CACNB4: variants seen among roughly 807,000 people sequenced by gnomAD.
The protein encoded by CACNB4 is voltage-dependent L-type calcium channel subunit beta-4.
Under a neutral mutation model 71.2 loss-of-function variants are expected in CACNB4, and 32 were observed. The observed-to-expected ratio is 0.45, with a 90% CI of 0.34 to 0.60. The LOEUF (loss-of-function observed/expected upper bound fraction) is 0.60, where lower values mean the gene tolerates loss of function less well. CACNB4 is among the 20% of genes least tolerant of loss of function. The probability of loss-of-function intolerance (pLI) is 0.01; values close to 1 mark genes in which losing one functional copy is unlikely to be tolerated. For synonymous variants in CACNB4, 231 were observed against 236.9 expected (o/e 0.97, Z 0.23); for missense variants, 464 against 647.9 (o/e 0.72, Z 3.08).
At chr2:151,892,941 A>G (rs1414149116) in intron 2 of CACNB4, among the ~76,000 whole-genome samples, 1 of 152,270 alleles carries the variant, frequency 6.6e-6, no homozygotes, top group Non-Finnish European at 1.5e-5. Flanking sequence ...ACTTGACAGA[A>G]TGCTACGCAA....
At chr2:151,972,261 C>T (rs1269307307) in intron 2 of CACNB4, 1 of 152,202 alleles carries the variant, frequency 6.6e-6, no homozygotes, top group Non-Finnish European at 1.5e-5. Context: ...TCACTGCCTG[C>T]CCAAGTTTAA....
chr2:152,081,600 G>A (rs926747780), intron 2 of CACNB4, among the ~76,000 whole-genome samples: 5 of 152,162 alleles, frequency 3.3e-5, no homozygotes, highest in African/African-American at 1.2e-4. Flanking sequence ...TGGAGACAGA[G>A]AGAGCTCTGG....
chr2:151,932,677 C>T (rs1578853905), intron 2 of CACNB4, among the ~76,000 whole-genome samples: 1 of 151,748 alleles, frequency 6.6e-6, no homozygotes, highest in South Asian at 2.1e-4. Flanking sequence ...TCTACTAAAA[C>T]TACAAAAATT....
chr2:151,879,076 C>T (rs979232451), intron 4 of CACNB4, among the ~76,000 whole-genome samples: 2 of 152,016 alleles, frequency 1.3e-5, no homozygotes, highest in African/African-American at 2.4e-5. Flanking sequence ...GCAAAGGGAC[C>T]CTTTTAGAAT....
intron 2 of CACNB4, among the ~76,000 whole-genome samples, chr2:151,999,884 G>A (rs1237214482): frequency 2.0e-5 from 3 of 152,122 alleles, no homozygotes; most frequent in African/African-American, 7.2e-5. Context: ...TTCTTCCTGT[G>A]TACCCTCAGT....
intron 2 of CACNB4, among the ~76,000 whole-genome samples, chr2:151,917,604 A>G (rs936628374): frequency 1.3e-5 from 2 of 152,204 alleles, no homozygotes; most frequent in Non-Finnish European, 2.9e-5. Context: ...TGGGAGGCTG[A>G]GGCAGGTGGA....
chr2:151,876,284 G>A, intron 5 of CACNB4, 142 bp downstream of exon 5: 1 of 565,878 alleles, frequency 1.8e-6, no homozygotes, highest in Non-Finnish European at 2.9e-6. Flanking sequence ...AGAGGATAGA[G>A]AACTATCTGA....
intron 2 of CACNB4, among the ~76,000 whole-genome samples, chr2:151,887,187 C>T (rs538634137): frequency 6.6e-6 from 1 of 151,916 alleles, no homozygotes; most frequent in Admixed American, 6.5e-5. Context: ...GATGGAAGCC[C>T]CATGAGCTTA....
chr2:152,093,923 G>A (rs1266061074), intron 2 of CACNB4, among the ~76,000 whole-genome samples: 6 of 152,232 alleles, frequency 3.9e-5, no homozygotes, highest in Non-Finnish European at 7.3e-5. Flanking sequence ...TAATGTTGGA[G>A]CAGAACCTCA....
intron 2 of CACNB4, among the ~76,000 whole-genome samples, chr2:151,890,249 A>G (rs757077681): frequency 6.6e-6 from 1 of 152,170 alleles, no homozygotes; most frequent in South Asian, 2.1e-4. Flanking sequence ...GCTCACTCTT[A>G]TTGGATGGAA....
chr2:151,946,832 T>C (rs1348923192), intron 2 of CACNB4, among the ~76,000 whole-genome samples: 3 of 152,204 alleles, frequency 2.0e-5, no homozygotes, highest in Non-Finnish European at 4.4e-5. Flanking sequence ...CAAATTTCAG[T>C]GATGAAATTT....
chr2:152,056,514 C>T (rs1018636925), intron 2 of CACNB4, among the ~76,000 whole-genome samples: 10 of 152,196 alleles, frequency 6.6e-5, no homozygotes, highest in African/African-American at 2.4e-4. Context: ...ACTAGAAACT[C>T]CTTTGCTCTG....
Position 151,838,921 on chromosome 2 carries a change from T to A in CACNB4, c.*198A>T. The A allele has an allele frequency of 2.1e-6, 1 of 477,872 alleles. No homozygotes were observed. The highest frequency in any genetic ancestry group is 3.7e-6 in the Non-Finnish European group (1 of 268,616). The allele number at this position is 477,872 out of a possible 1,614,324, so 29.6% of individuals were successfully genotyped here. A position where few individuals can be genotyped will look rare whatever the true frequency, so the allele number is the denominator to read the frequency against. On this transcript the variant is annotated 3_prime_UTR_variant, in exon 14 of 14. Transcript: ENST00000539935. ...TAAATGTTGCACTTAAAAATATCTA[T>A]ATGATCGGGCATCTAATATCCATCT...
chr2:151,839,243 T>C lies in CACNB4; in HGVS notation c.1439A>G (p.His480Arg), dbSNP rs750854413. 6.2e-7 allele frequency: 1 copy of C among 1,613,686 alleles called. No homozygotes were observed. Among genetic ancestry groups the C allele is most frequent in the Admixed American group, 1.7e-5 (1 of 60,014 alleles). ...CACAAGAGGGTAATGATCTCGGCTA[T>C]GCTGAGAACTGGAAGACAAGCGGTT... ...SRNRLSSSSQ[H>R]SRDHYPLVEE... The change falls in exon 14 of 14, where the codon CAT becomes CGT. Residue 480 changes from histidine to arginine, a missense_variant. Coordinates refer to ENST00000539935, the MANE Select transcript of CACNB4 (RefSeq NM_000726.5).
chr2:152,006,341 GA>G (rs543045840), intron 2 of CACNB4, among the ~76,000 whole-genome samples: 212 of 151,390 alleles, frequency 1.4e-3, no homozygotes, highest in African/African-American at 4.9e-3. Context: ...GCTGGCCTCT[GA>G]AAACACTTGA....
intron 2 of CACNB4, among the ~76,000 whole-genome samples, chr2:151,930,835 T>G (rs1023815817): frequency 6.6e-6 from 1 of 152,198 alleles, no homozygotes; most frequent in Non-Finnish European, 1.5e-5. Flanking sequence ...TACATATAGT[T>G]CATTATGTAA....
chr2:151,998,094 G>T (rs1202468401), intron 2 of CACNB4, among the ~76,000 whole-genome samples: 1 of 152,214 alleles, frequency 6.6e-6, no homozygotes, highest in South Asian at 2.1e-4. Context: ...AGGCCAAGGT[G>T]GGGGGATCGC....
intron 2 of CACNB4, among the ~76,000 whole-genome samples, chr2:151,920,416 G>C (rs1397252749): frequency 1.9e-4 from 28 of 145,386 alleles, no homozygotes; most frequent in Non-Finnish European, 3.0e-5. Flanking sequence ...TCGACCTCTT[G>C]GGCTCAAGTG....
chr2:152,047,418 T>C (rs1685192826), intron 2 of CACNB4, among the ~76,000 whole-genome samples: 1 of 152,234 alleles, frequency 6.6e-6, no homozygotes, highest in Admixed American at 6.5e-5. Flanking sequence ...TTCAGATGAA[T>C]TCTTACTTCC....
Sources: allele counts gnomAD v4.1 joint callset (sites outside exome capture counted in the v4.1 genomes callset), GRCh38; gene constraint gnomAD v4.1.1; transcripts MANE v1.5; gene names NCBI Gene and HGNC (gene_info 2026-07-23, HGNC 2026-07-21).